The following PACRGL variants were observed in gnomAD, a reference collection of about 807,000 sequenced individuals.
PACRGL encodes parkin coregulated like, also known as PACRG-like protein.
A neutral mutation model predicts 34.5 loss-of-function variants in PACRGL; 38 were observed. The observed-to-expected ratio is 1.10, with a 90% CI of 0.85 to 1.44. The LOEUF (loss-of-function observed/expected upper bound fraction) is 1.44. Ranked by LOEUF, PACRGL falls within the 40% of genes most tolerant of loss-of-function variation. The pLI is 0.00. For missense variants in PACRGL, 305 were observed against 281.4 expected, an observed-to-expected ratio of 1.08 and a Z score of -0.60; for synonymous variants, 128 against 100.1, an observed-to-expected ratio of 1.28 and a Z score of -1.66.
At chr4:20,737,251 A>G (rs1427476724), downstream of PACRGL, among the ~76,000 whole-genome samples, 1 of 151,988 alleles carries the variant, frequency 6.6e-6, no homozygotes, top group Non-Finnish European at 1.5e-5. Flanking sequence ...TAAAGAAGTG[A>G]GTCAGGAGAA....
intron 1 of PACRGL, 66 bp from the exon 2 acceptor site, chr4:20,704,398 CTT>C: frequency 6.8e-7 from 1 of 1,461,978 alleles, no homozygotes; most frequent in African/African-American, 1.4e-5. Flanking sequence ...CTGGTTTTGT[CTT>C]TTTATTGATA....
the PACRGL span, among the ~76,000 whole-genome samples, chr4:20,763,481 T>C: frequency 6.6e-6 from 1 of 152,126 alleles, no homozygotes; most frequent in African/African-American, 2.4e-5. Flanking sequence ...AAAGAGTACA[T>C]GGAAACTTTT....
At chr4:20,732,838 G>A (rs923576779), downstream of PACRGL, 13 of 1,082,890 alleles carry the variant, frequency 1.2e-5, no homozygotes, top group East Asian at 2.4e-5. Context: ...GAAGAAACCA[G>A]TCTAAGAAGC....
chr4:20,725,316 A>G (rs1377748204), intron 8 of PACRGL, among the ~76,000 whole-genome samples: 1 of 151,596 alleles, frequency 6.6e-6, no homozygotes, highest in African/African-American at 2.4e-5. Context: ...TGATTACACT[A>G]TTCTGTCTGT....
intron 8 of PACRGL, among the ~76,000 whole-genome samples, chr4:20,739,005 G>A (rs1330668160): frequency 2.0e-5 from 3 of 152,150 alleles, no homozygotes; most frequent in Admixed American, 6.5e-5. Flanking sequence ...ACAGAAGTCC[G>A]AGATCGAACT....
At chr4:20,716,006 T>A in intron 7 of PACRGL, 1 of 1,057,982 alleles carries the variant, frequency 9.5e-7, no homozygotes. Flanking sequence ...TAAGTATTTT[T>A]GTTTTTCATT....
At chr4:20,749,823 A>G in intron 8 of PACRGL, 1 of 756,052 alleles carries the variant, frequency 1.3e-6, no homozygotes, top group Non-Finnish European at 2.2e-6. Flanking sequence ...TTGATCCAGA[A>G]GAATTAACTC....
At chr4:20,718,380 G>A (rs1442154829) in intron 7 of PACRGL, among the ~76,000 whole-genome samples, 1 of 152,156 alleles carries the variant, frequency 6.6e-6, no homozygotes, top group African/African-American at 2.4e-5. Flanking sequence ...GAATAGGAGT[G>A]GTGAGAGAGG....
chr4:20,698,266 G>A (rs994976255), upstream of PACRGL, among the ~76,000 whole-genome samples: 2 of 152,108 alleles, frequency 1.3e-5, no homozygotes, highest in African/African-American at 2.4e-5. Context: ...TGTCTTTTCA[G>A]AATCATTTAC....
intron 1 of PACRGL, chr4:20,701,809 C>G (rs1376571415): frequency 2.2e-6 from 1 of 456,328 alleles, no homozygotes; most frequent in Non-Finnish European, 4.4e-6. Context: ...AGTCTGCTCT[C>G]CGTATCCGTG....
chr4:20,696,428 G>A (rs986175604), upstream of PACRGL: 9 of 152,206 alleles, frequency 5.9e-5, no homozygotes, highest in African/African-American at 1.7e-4. Flanking sequence ...ACCAAAGTAC[G>A]TATATCCTAG....
upstream of PACRGL, among the ~76,000 whole-genome samples, chr4:20,698,945 A>C (rs2149013304): frequency 6.6e-6 from 1 of 152,344 alleles, no homozygotes; most frequent in African/African-American, 2.4e-5. Flanking sequence ...GAGGAAATTG[A>C]GGCTTGTAGG....
chr4:20,717,853 C>A (rs957729785), intron 7 of PACRGL, among the ~76,000 whole-genome samples: 6 of 104,148 alleles, frequency 5.8e-5, no homozygotes, highest in Admixed American at 3.6e-4. Flanking sequence ...TAAAGTAGTT[C>A]TTTTCCAATT....
chr4:20,746,034 C>T (rs1373153171), intron 8 of PACRGL, among the ~76,000 whole-genome samples: 1 of 152,032 alleles, frequency 6.6e-6, no homozygotes, highest in Non-Finnish European at 1.5e-5. Flanking sequence ...TGGGTATATA[C>T]CTAAAGGATT....
At chr4:20,704,108 T>C (rs1356469050) in intron 1 of PACRGL, among the ~76,000 whole-genome samples, 1 of 152,128 alleles carries the variant, frequency 6.6e-6, no homozygotes, top group Non-Finnish European at 1.5e-5. Flanking sequence ...CCAGAGAAGA[T>C]GGAGAAGATG....
chr4:20,719,475 A>G (rs190508323), intron 7 of PACRGL, among the ~76,000 whole-genome samples: 39 of 152,266 alleles, frequency 2.6e-4, no homozygotes, highest in African/African-American at 8.2e-4. Flanking sequence ...TTAGTGCTAT[A>G]AATTTCCCTC....
At chr4:20,758,231 G>A in the PACRGL span, among the ~76,000 whole-genome samples, 8 of 152,086 alleles carry the variant, frequency 5.3e-5, no homozygotes, top group Non-Finnish European at 1.2e-4. Context: ...CGCTATCCTT[G>A]TGTTTTCTTT....
chr4:20,740,276 A>C (rs1374565068), intron 8 of PACRGL, among the ~76,000 whole-genome samples: 2 of 152,122 alleles, frequency 1.3e-5, no homozygotes, highest in Non-Finnish European at 2.9e-5. Context: ...AAGACACATA[A>C]ATTGTCAGAT....
chr4:20,703,494 GTGTGTGTGTGTGTGTGTT>G lies in PACRGL; in HGVS notation c.-16-960_-16-943del, dbSNP rs926926710. ...GGTATATGAGTGTGTGTGTGTGTGT[GTGTGTGTGTGTGTGTGTT>G]TGTGTGTGTGTATTTCTTGCTAGAG... On this transcript the variant is annotated intron_variant, in intron 1 of 8. Coordinates refer to ENST00000503585, the MANE Select transcript of PACRGL (RefSeq NM_001258345.3). Among the ~76,000 whole-genome samples the G allele has an allele frequency of 2.4e-4, 34 of 144,166 alleles. No homozygotes were observed. The East Asian group carries it at 4.6e-3, about 20-fold the overall frequency. The allele number at this position is 144,166 out of a possible 152,430, so 94.6% of individuals were successfully genotyped here.
Sources: gnomAD v4.1 joint callset for allele counts (sites outside exome capture counted in the v4.1 genomes callset) on GRCh38, gnomAD v4.1.1 for gene constraint, MANE v1.5 for transcripts, NCBI Gene and HGNC (gene_info 2026-07-23, HGNC 2026-07-21) for gene names.